KANSL1: variants seen among roughly 807,000 people sequenced by gnomAD.
The protein encoded by KANSL1 is MLL1/MLL complex subunit KANSL1.
A neutral mutation model predicts 103.6 loss-of-function variants in KANSL1; 22 were observed. The ratio of observed to expected loss-of-function variants is 0.21; its 90% confidence interval spans 0.15 to 0.30. The LOEUF is 0.30. KANSL1 is among the 10% of genes least tolerant of loss of function. The pLI is 1.00. For synonymous variants in KANSL1, 600 were observed against 527.6 expected (o/e 1.14, Z -1.88); for missense variants, 1,337 against 1,399.8 (o/e 0.96, Z 0.72).
chr17:46,102,196 G>C (rs1380291926), intron 2 of KANSL1, among the ~76,000 whole-genome samples: 2 of 152,180 alleles, frequency 1.3e-5, no homozygotes, highest in Admixed American at 1.3e-4. Context: ...ACATGACCTA[G>C]GTTGTGTCAG....
chr17:46,130,187 C>CAAAAAAAAAAAAAAAAAAAAAAAAAAAA lies in KANSL1; in HGVS notation c.1290-35487_1290-35486insTTTTTTTTTTTTTTTTTTTTTTTTTTTT, dbSNP rs35017603. On this transcript the variant is annotated intron_variant, in intron 2 of 14. Coordinates refer to ENST00000432791, the MANE Select transcript of KANSL1 (RefSeq NM_015443.4). ...GGGCAAAAGAATGAGATCCTGTCTC[C>CAAAAAAAAAAAAAAAAAAAAAAAAAAAA]AAAAAAAAAAAAAAAAAAAAAGGAA... Among the ~76,000 whole-genome samples, 22 of 75,454 alleles carry CAAAAAAAAAAAAAAAAAAAAAAAAAAAA rather than the reference C, an allele frequency of 2.9e-4. 1 individual carries two copies. The highest frequency in any genetic ancestry group is 4.9e-4 in the Non-Finnish European group (18 of 36,970). The allele number at this position is 75,454 out of a possible 152,430, so 49.5% of individuals were successfully genotyped here. A position where few individuals can be genotyped will look rare whatever the true frequency, so the allele number is the denominator to read the frequency against.
intron 2 of KANSL1, among the ~76,000 whole-genome samples, chr17:46,125,934 C>T (rs904189073): frequency 4.6e-5 from 7 of 152,180 alleles, no homozygotes; most frequent in Non-Finnish European, 1.0e-4. Flanking sequence ...ATTTTCTAAT[C>T]TTTATATGAA....
intron 1 of KANSL1, among the ~76,000 whole-genome samples, chr17:46,190,753 AT>A (rs2047275755): frequency 6.6e-6 from 1 of 152,256 alleles, no homozygotes; most frequent in Non-Finnish European, 1.5e-5. Context: ...TACACCAAAT[AT>A]GCTAAAGGTC....
At chr17:46,213,260 G>A (rs2048219532) in intron 1 of KANSL1, among the ~76,000 whole-genome samples, 1 of 152,206 alleles carries the variant, frequency 6.6e-6, no homozygotes, top group Non-Finnish European at 1.5e-5. Context: ...GATGGAGAAG[G>A]CAAGGGGGAC....
intron 4 of KANSL1, among the ~76,000 whole-genome samples, chr17:46,077,222 T>C (rs1568421483): frequency 6.6e-6 from 1 of 152,298 alleles, no homozygotes; most frequent in East Asian, 1.9e-4. Context: ...AGGCTCATTT[T>C]TGTATTTTTT....
At chr17:46,039,591 G>A in intron 8 of KANSL1, 111 bp downstream of exon 8, 1 of 1,230,234 alleles carries the variant, frequency 8.1e-7, no homozygotes, top group Non-Finnish European at 1.1e-6. Flanking sequence ...TTTTTTATCG[G>A]TCAACTGCCT....
At chr17:46,215,533 G>A (rs777964718) in intron 1 of KANSL1, among the ~76,000 whole-genome samples, 2 of 152,204 alleles carry the variant, frequency 1.3e-5, no homozygotes, top group African/African-American at 4.8e-5. Context: ...CCAAAAGGGC[G>A]ATGAAGGTCT....
intron 1 of KANSL1, among the ~76,000 whole-genome samples, chr17:46,206,083 C>CCAAAAAAAA (rs1491578296): frequency 2.2e-5 from 2 of 89,598 alleles, no homozygotes; most frequent in African/African-American, 5.1e-5. Context: ...CTGTGTCCCC[C>CCAAAAAAAA]AAAAAAAAAA....
intron 2 of KANSL1, among the ~76,000 whole-genome samples, chr17:46,127,949 A>G (rs911975010): frequency 6.6e-6 from 1 of 152,136 alleles, no homozygotes; most frequent in African/African-American, 2.4e-5. Context: ...AGAACATCAC[A>G]ATAACTACGA....
At chr17:46,141,889 C>A (rs1348128664) in intron 2 of KANSL1, among the ~76,000 whole-genome samples, 1 of 152,118 alleles carries the variant, frequency 6.6e-6, no homozygotes, top group Non-Finnish European at 1.5e-5. Context: ...TAGTTTCTTT[C>A]TTTATTTCTC....
At position 46,039,308 on chromosome 17, in the gene KANSL1, C is replaced by T. The variant is rs72628320; in HGVS notation, c.2204-93G>A. ...AGCTCTCGAGTTCTCTCTAGGCCAA[C>T]GCCGTATACCCAGGGCAGCAGGACA... On this transcript the variant is annotated intron_variant, in intron 8 of 14. Coordinates refer to ENST00000432791, the MANE Select transcript of KANSL1 (RefSeq NM_015443.4). The T allele has an allele frequency of 2.3e-3, 2,737 of 1,178,870 alleles. 67 individuals are homozygous for T. In the East Asian group the frequency reaches 0.04, roughly 17 times the overall value. The allele number at this position is 1,178,870 out of a possible 1,614,324, so 73.0% of individuals were successfully genotyped here.
intron 2 of KANSL1, among the ~76,000 whole-genome samples, chr17:46,100,572 T>C (rs2042269538): frequency 6.6e-6 from 1 of 152,252 alleles, no homozygotes; most frequent in Admixed American, 6.5e-5. Context: ...TGTTTTTAGT[T>C]CTTTAAAGTT....
At chr17:46,151,088 A>G (rs1257352485) in intron 2 of KANSL1, among the ~76,000 whole-genome samples, 2 of 152,272 alleles carry the variant, frequency 1.3e-5, no homozygotes, top group Non-Finnish European at 2.9e-5. Context: ...AGCTATTTCT[A>G]AAAAGATGGA....
chr17:46,046,778 A>G (rs1341802611), intron 7 of KANSL1, among the ~76,000 whole-genome samples: 1 of 150,462 alleles, frequency 6.6e-6, no homozygotes, highest in Non-Finnish European at 1.5e-5. Context: ...CGGAGGTTGC[A>G]GTGACCCGAG....
intron 4 of KANSL1, among the ~76,000 whole-genome samples, chr17:46,073,897 G>A (rs1156761980): frequency 6.6e-6 from 1 of 152,036 alleles, no homozygotes; most frequent in Non-Finnish European, 1.5e-5. Context: ...AGGATTAAAC[G>A]AGTATCAATA....
Position 46,031,551 on chromosome 17 carries a change from G to A in KANSL1, c.3243C>T (p.Thr1081=), listed in dbSNP as rs2077007026. The stretch of plus-strand genomic sequence containing the variant: ...TCTTGAGGGGGACAATGGGAGGCGA[G>A]GTGGGCGCTGCCTCTGTCTCCCGGC... ...KTGRETEAAP[T]SPPIVPLKSR... Residue 1081 remains threonine, a synonymous_variant, in exon 15 of 15, where the codon ACC becomes ACT. Transcript: ENST00000432791. The A allele has an allele frequency of 6.2e-7, 1 of 1,614,104 alleles. No individual in the cohort carries two copies. Among genetic ancestry groups the A allele is most frequent in the Non-Finnish European group, 8.5e-7 (1 of 1,180,020 alleles).
chr17:46,147,203 CAG>C (rs55859891), intron 2 of KANSL1, among the ~76,000 whole-genome samples: 18,483 of 149,978 alleles, frequency 0.12, 21 homozygotes, highest in Middle Eastern at 0.19. Flanking sequence ...TAAAATACAA[CAG>C]AAAAATCAAC....
At chr17:46,067,699 A>T in intron 4 of KANSL1, 32 bp from the exon 5 acceptor site, 1 of 1,197,154 alleles carries the variant, frequency 8.4e-7, no homozygotes, top group Non-Finnish European at 1.2e-6. Flanking sequence ...AGAAATTAAC[A>T]TGTACCCAAG....
intron 2 of KANSL1, among the ~76,000 whole-genome samples, chr17:46,125,599 G>C (rs1056995870): frequency 6.6e-6 from 1 of 152,120 alleles, no homozygotes; most frequent in African/African-American, 2.4e-5. Flanking sequence ...ATCTCCAGCC[G>C]TACCAAATCA....
Sources: allele counts gnomAD v4.1 joint callset (sites outside exome capture counted in the v4.1 genomes callset), GRCh38; gene constraint gnomAD v4.1.1; transcripts MANE v1.5; gene names NCBI Gene and HGNC (gene_info 2026-07-23, HGNC 2026-07-21).